The following TSEN2 variants were observed in gnomAD, a reference collection of about 807,000 sequenced individuals.
TSEN2 encodes the protein tRNA-splicing endonuclease subunit Sen2.
In TSEN2, 54 loss-of-function variants were observed where a neutral mutation model predicts 59.2. The observed-to-expected ratio is 0.91, with a 90% confidence interval of 0.73 to 1.14. The LOEUF (loss-of-function observed/expected upper bound fraction) is 1.14. TSEN2 is among the 50% of genes most tolerant of loss of function. The pLI, the probability that TSEN2 is intolerant of heterozygous loss-of-function variation, is 0.00. For synonymous variants in TSEN2, 195 were observed against 198.2 expected (o/e 0.98, Z 0.14); for missense variants, 636 against 576.2 (o/e 1.10, Z -1.06).
chr3:12,511,202 A>G (rs2055415323), intron 6 of TSEN2: 1 of 152,416 alleles, frequency 6.6e-6, no homozygotes, highest in Middle Eastern at 3.4e-3. Context: ...TGAGAGTAGC[A>G]TGGCTGTAGG....
intron 8 of TSEN2, among the ~76,000 whole-genome samples, chr3:12,520,606 A>G (rs2056559509): frequency 6.6e-6 from 1 of 152,150 alleles, no homozygotes; most frequent in African/African-American, 2.4e-5. Flanking sequence ...CCTGACCAAC[A>G]TGGTGAAACC....
At position 12,498,446 on chromosome 3, in the gene TSEN2, T is replaced by C. The variant is rs945276941; in HGVS notation, c.308+1892T>C. On this transcript the variant is annotated intron_variant, in intron 4 of 11. Transcript: ENST00000284995. ...TATTGTGTTATCACCTTAGTTGATT[T>C]TTTCCTTCAATTCTCCTCTAGTCTA... 3.3e-5 allele frequency among the ~76,000 whole-genome samples: 5 copies of C among 152,200 alleles called. 1 individual carries two copies. The highest frequency in any genetic ancestry group is 4.1e-4 in the South Asian group (2 of 4,824).
chr3:12,526,294 A>T (rs778791729), intron 8 of TSEN2, among the ~76,000 whole-genome samples: 44 of 152,198 alleles, frequency 2.9e-4, no homozygotes, highest in Non-Finnish European at 5.9e-4. Context: ...ACCCAGAGCA[A>T]CTTCCAGACC....
At chr3:12,529,328 A>T (rs1019051964) in intron 9 of TSEN2, among the ~76,000 whole-genome samples, 1 of 152,116 alleles carries the variant, frequency 6.6e-6, no homozygotes, top group Admixed American at 6.5e-5. Context: ...TTAGCTGGGC[A>T]TGGTGGCAGG....
chr3:12,532,467 A>T (rs759252533), intron 11 of TSEN2, among the ~76,000 whole-genome samples, 195 bp from the exon 12 acceptor site: 27 of 152,218 alleles, frequency 1.8e-4, no homozygotes, highest in Non-Finnish European at 3.4e-4. Flanking sequence ...TTGCCTGGTG[A>T]AAGTAGATAC....
At position 12,519,158 on chromosome 3, in the gene TSEN2, TG is replaced by T; in HGVS notation, c.1063del (p.Val355CysfsTer32). The part of the protein sequence containing the change: ...MAYHYFRSKG[W>X]VPKVGLKYGT... The stretch of plus-strand genomic sequence containing the variant: ...CTACCATTACTTTCGAAGCAAGGGC[TG>T]GGTGCCCAAAGTGGGACTCAAGTAC... On this transcript the variant is annotated frameshift_variant, in exon 8 of 12. Transcript: ENST00000284995. LOFTEE classifies it high-confidence loss of function. 1 of 1,614,272 alleles carries T rather than the reference TG, an allele frequency of 6.2e-7. No homozygotes were observed. Among genetic ancestry groups the T allele is most frequent in the South Asian group, 1.1e-5 (1 of 91,088 alleles).
intron 4 of TSEN2, among the ~76,000 whole-genome samples, chr3:12,502,419 C>G (rs1369564994): frequency 6.6e-6 from 1 of 152,080 alleles, no homozygotes; most frequent in Non-Finnish European, 1.5e-5. Context: ...GCCTGTCATC[C>G]TAGCTACTCG....
chr3:12,530,025 C>A, intron 10 of TSEN2, 152 bp downstream of exon 10: 2 of 1,462,708 alleles, frequency 1.4e-6, no homozygotes, highest in South Asian at 1.5e-5. Flanking sequence ...TCATTCGTAC[C>A]CTTCCCTTAT....
At chr3:12,483,683 C>T (rs1337371045), upstream of TSEN2, among the ~76,000 whole-genome samples, 1 of 152,226 alleles carries the variant, frequency 6.6e-6, no homozygotes, top group Non-Finnish European at 1.5e-5. Flanking sequence ...GCCACACTTC[C>T]TTGCCATCCT....
chr3:12,538,995 C>T, intron 10 of TSEN2: 1 of 324,244 alleles, frequency 3.1e-6, no homozygotes, highest in Non-Finnish European at 5.9e-6. Flanking sequence ...TTACTGATTT[C>T]AGTCATTGCT....
At chr3:12,482,189 C>T (rs2052201013), upstream of TSEN2, among the ~76,000 whole-genome samples, 2 of 152,074 alleles carry the variant, frequency 1.3e-5, no homozygotes, top group Non-Finnish European at 2.9e-5. Context: ...TGGTGCAATC[C>T]CGACTCACCA....
At chr3:12,516,446 ATG>A (rs68107346) in intron 6 of TSEN2, among the ~76,000 whole-genome samples, 163 bp from the exon 7 acceptor site, 3,305 of 126,462 alleles carry the variant, frequency 0.026, 70 homozygotes, top group East Asian at 0.11. Flanking sequence ...AACAAAATAT[ATG>A]TGTGTGTGTG....
rs149964529 is a variant in TSEN2, at chr3:12,528,593, G to A, written c.1100-295G>A. 2.5e-4 allele frequency among the ~76,000 whole-genome samples: 38 copies of A among 152,242 alleles called. No individual in the cohort carries two copies. In the South Asian group the frequency reaches 3.9e-3, roughly 16 times the overall value. ...AAATTAGCTGCGTGTGGTGGTGCAC[G>A]CCTGTAGTCCTGGCAACTCAGGAGG... is the stretch of plus-strand genomic sequence containing the variant. On this transcript the variant is annotated intron_variant, in intron 8 of 11. Transcript: ENST00000284995.
intron 6 of TSEN2, among the ~76,000 whole-genome samples, chr3:12,516,382 G>A (rs1451027032): frequency 6.6e-6 from 1 of 152,016 alleles, no homozygotes; most frequent in African/African-American, 2.4e-5. Context: ...GCGGAGATGT[G>A]CCACCGCACT....
At chr3:12,530,996 G>C (rs915544535) in intron 10 of TSEN2, 7 of 163,490 alleles carry the variant, frequency 4.3e-5, no homozygotes, top group Non-Finnish European at 8.9e-5. Context: ...TGGCTGGGGA[G>C]GCCTCAGGAA....
intron 4 of TSEN2, among the ~76,000 whole-genome samples, chr3:12,499,053 C>G (rs1054967828): frequency 6.6e-6 from 1 of 152,166 alleles, no homozygotes; most frequent in East Asian, 1.9e-4. Context: ...AGCCACTGCA[C>G]CTGGCCATAA....
intron 4 of TSEN2, among the ~76,000 whole-genome samples, chr3:12,500,498 A>G (rs2125025744): frequency 6.6e-6 from 1 of 152,134 alleles, no homozygotes; most frequent in Middle Eastern, 3.4e-3. Context: ...GGAAGAGCCA[A>G]CTCCAGGACC....
intron 8 of TSEN2, among the ~76,000 whole-genome samples, chr3:12,521,543 T>C (rs1410659004): frequency 6.6e-6 from 1 of 151,992 alleles, no homozygotes; most frequent in Non-Finnish European, 1.5e-5. Context: ...GGTGAAACCC[T>C]GTGTCTAGCA....
Position 12,524,650 on chromosome 3 carries a change from A to G in TSEN2, c.1100-4238A>G, listed in dbSNP as rs143383582. Among the ~76,000 whole-genome samples, 480 of 151,766 alleles carry G rather than the reference A, an allele frequency of 3.2e-3. 1 individual carries two copies. Among genetic ancestry groups the G allele is most frequent in the African/African-American group, 0.011 (440 of 41,338 alleles). On this transcript the variant is annotated intron_variant, in intron 8 of 11. Transcript: ENST00000284995. ...ACTCTTTTTCCAAGTCACATTCCAC[A>G]TTCCAGGTCACATTCACAAGTCAGG... is the stretch of plus-strand genomic sequence containing the variant.
Sources: allele counts gnomAD v4.1 joint callset (sites outside exome capture counted in the v4.1 genomes callset), GRCh38; gene constraint gnomAD v4.1.1; transcripts MANE v1.5; gene names NCBI Gene and HGNC (gene_info 2026-07-23, HGNC 2026-07-21).